Variants in SGCZ observed in about 807,000 individuals in gnomAD.
The protein encoded by SGCZ is zeta-sarcoglycan.
In SGCZ, 40 loss-of-function variants were observed where a neutral mutation model predicts 41.3. That is an observed-to-expected ratio of 0.97 (90% CI 0.75 to 1.26). The LOEUF (loss-of-function observed/expected upper bound fraction) is 1.26. SGCZ is among the 50% of genes most tolerant of loss of function. The pLI, the probability that SGCZ is intolerant of heterozygous loss-of-function variation, is 0.00. For synonymous variants in SGCZ, 206 were observed against 137.5 expected (o/e 1.50, Z -3.49); for missense variants, 552 against 369.8 (o/e 1.49, Z -4.04).
intron 1 of SGCZ, among the ~76,000 whole-genome samples, chr8:14,717,925 C>T (rs973159717): frequency 1.9e-4 from 29 of 150,716 alleles, no homozygotes; most frequent in African/African-American, 6.9e-4. Flanking sequence ...TATTTCATCC[C>T]TCTATGTTAA....
intron 2 of SGCZ, among the ~76,000 whole-genome samples, chr8:14,550,301 T>C (rs931773228): frequency 2.0e-5 from 3 of 150,858 alleles, no homozygotes; most frequent in African/African-American, 4.8e-5. Context: ...AATATGCATA[T>C]ACATGCATAC....
intron 2 of SGCZ, among the ~76,000 whole-genome samples, chr8:14,391,499 C>G (rs538843074): frequency 8.3e-4 from 126 of 152,080 alleles, no homozygotes; most frequent in Non-Finnish European, 1.6e-3. Flanking sequence ...ATAAGGACTA[C>G]TGATATTTTT....
chr8:14,283,801 G>C (rs1196051083), intron 3 of SGCZ, among the ~76,000 whole-genome samples: 4 of 152,160 alleles, frequency 2.6e-5, no homozygotes, highest in African/African-American at 9.7e-5. Flanking sequence ...GCAGCCATAG[G>C]CAGTGCCATC....
At chr8:14,616,074 G>C (rs1462641182) in intron 1 of SGCZ, among the ~76,000 whole-genome samples, 2 of 152,060 alleles carry the variant, frequency 1.3e-5, no homozygotes, top group South Asian at 2.1e-4. Flanking sequence ...ACGAGGTCAA[G>C]AGATCAAGAC....
intron 5 of SGCZ, among the ~76,000 whole-genome samples, chr8:14,153,928 C>T (rs1803794351): frequency 7.8e-6 from 1 of 128,784 alleles, no homozygotes; most frequent in Non-Finnish European, 1.6e-5. Flanking sequence ...CTCTCTCACA[C>T]ACACACACAC....
chr8:14,890,778 C>G (rs1205812190), intron 1 of SGCZ, among the ~76,000 whole-genome samples: 1 of 152,184 alleles, frequency 6.6e-6, no homozygotes, highest in East Asian at 1.9e-4. Flanking sequence ...TGCTTGGCCT[C>G]TAAGCTTCAA....
intron 2 of SGCZ, among the ~76,000 whole-genome samples, chr8:14,477,607 G>T (rs1012597101): frequency 5.9e-5 from 9 of 152,020 alleles, no homozygotes; most frequent in African/African-American, 2.2e-4. Context: ...ATATACAAAA[G>T]GTTAATAAAT....
intron 1 of SGCZ, among the ~76,000 whole-genome samples, chr8:14,860,102 G>A (rs768041581): frequency 7.9e-5 from 12 of 152,032 alleles, no homozygotes; most frequent in Non-Finnish European, 1.2e-4. Context: ...AAAACATAAA[G>A]ATGCTCTGTG....
intron 2 of SGCZ, among the ~76,000 whole-genome samples, chr8:14,476,240 C>T (rs78765458): frequency 0.054 from 8,175 of 152,170 alleles, 709 homozygotes; most frequent in African/African-American, 0.18. Flanking sequence ...GAGGTCCCCT[C>T]TCACCAATGT....
At chr8:14,586,615 C>A (rs1805067379) in intron 1 of SGCZ, among the ~76,000 whole-genome samples, 1 of 152,056 alleles carries the variant, frequency 6.6e-6, no homozygotes, top group South Asian at 2.1e-4. Flanking sequence ...ATCATAAATG[C>A]AAAGTGATGC....
intron 1 of SGCZ, among the ~76,000 whole-genome samples, chr8:14,763,191 A>G (rs1165413278): frequency 1.3e-5 from 2 of 152,268 alleles, no homozygotes; most frequent in Admixed American, 1.3e-4. Flanking sequence ...CTGGCCTGTC[A>G]AGTTCTTAGG....
chr8:15,134,124 A>G (rs1224238780), intron 1 of SGCZ, among the ~76,000 whole-genome samples: 1 of 152,152 alleles, frequency 6.6e-6, no homozygotes, highest in East Asian at 1.9e-4. Flanking sequence ...TATTTAATAA[A>G]TATTTAAGCA....
At chr8:14,427,312 C>T (rs1364885770) in intron 2 of SGCZ, among the ~76,000 whole-genome samples, 1 of 152,000 alleles carries the variant, frequency 6.6e-6, no homozygotes, top group Non-Finnish European at 1.5e-5. Context: ...GGCAAACCTA[C>T]ACATGTACCC....
At chr8:14,424,079 G>A (rs1212171478) in intron 2 of SGCZ, among the ~76,000 whole-genome samples, 1 of 152,146 alleles carries the variant, frequency 6.6e-6, no homozygotes, top group African/African-American at 2.4e-5. Context: ...ATATGTAGGA[G>A]GTCAATGAGT....
chr8:14,102,529 G>GAA, intron 6 of SGCZ, 30 bp from the exon 7 acceptor site: 8 of 1,321,402 alleles, frequency 6.1e-6, no homozygotes, highest in East Asian at 2.9e-5. Context: ...TCATTAATAG[G>GAA]AAAAAAAAAC....
intron 2 of SGCZ, among the ~76,000 whole-genome samples, chr8:14,493,359 C>CTTTTTTTTT (rs57898016): frequency 0.01 from 458 of 44,274 alleles, 81 homozygotes; most frequent in South Asian, 0.014. Flanking sequence ...ATCATCCTTT[C>CTTTTTTTTT]TTTTTTTTTT....
At chr8:14,639,785 T>A (rs1172813110) in intron 1 of SGCZ, among the ~76,000 whole-genome samples, 1 of 151,714 alleles carries the variant, frequency 6.6e-6, no homozygotes, top group East Asian at 1.9e-4. Context: ...AGAGACTTTT[T>A]TTTTTCTTGA....
At chr8:14,410,305 G>C (rs1319718061) in intron 2 of SGCZ, among the ~76,000 whole-genome samples, 1 of 151,630 alleles carries the variant, frequency 6.6e-6, no homozygotes, top group Non-Finnish European at 1.5e-5. Flanking sequence ...TGAATTATAA[G>C]ACACTGGTCT....
At chr8:14,872,497 T>C (rs542123536) in intron 1 of SGCZ, among the ~76,000 whole-genome samples, 1 of 152,196 alleles carries the variant, frequency 6.6e-6, no homozygotes, top group South Asian at 2.1e-4. Context: ...TACACAATGG[T>C]AATAGAATCA....
Sources: gnomAD v4.1 joint callset for allele counts (sites outside exome capture counted in the v4.1 genomes callset) on GRCh38, gnomAD v4.1.1 for gene constraint, MANE v1.5 for transcripts, NCBI Gene and HGNC (gene_info 2026-07-23, HGNC 2026-07-21) for gene names.